The following SPAST variants were observed in gnomAD, a reference collection of about 807,000 sequenced individuals.
SPAST encodes the protein spastin.
SPAST carries 30 observed loss-of-function variants against 76.6 expected under a neutral mutation model. The observed-to-expected ratio is 0.39, with a 90% confidence interval of 0.29 to 0.53. The LOEUF (loss-of-function observed/expected upper bound fraction) is 0.53, where lower values mean the gene tolerates loss of function less well. Ranked by LOEUF, SPAST falls within the 20% of genes least tolerant of loss-of-function variation. The pLI, the probability that SPAST is intolerant of heterozygous loss-of-function variation, is 0.68. For synonymous variants in SPAST, 305 were observed against 281.0 expected (o/e 1.09, Z -0.86); for missense variants, 717 against 770.5 (o/e 0.93, Z 0.82).
intron 1 of SPAST, among the ~76,000 whole-genome samples, chr2:32,067,981 C>CTT (rs755475755): frequency 2.1e-4 from 30 of 140,462 alleles, no homozygotes; most frequent in African/African-American, 6.5e-4. Context: ...TTTCTCTTTT[C>CTT]TTTTTTTTTT....
At chr2:32,100,229 G>A (rs1410653367) in intron 4 of SPAST, among the ~76,000 whole-genome samples, 1 of 150,772 alleles carries the variant, frequency 6.6e-6, no homozygotes, top group Non-Finnish European at 1.5e-5. Context: ...ATACCTTGTT[G>A]TGGTTTTGAT....
chr2:32,072,760 A>G (rs1039160078), intron 1 of SPAST, among the ~76,000 whole-genome samples: 3 of 152,212 alleles, frequency 2.0e-5, no homozygotes, highest in African/African-American at 7.2e-5. Context: ...GATGGAGGGT[A>G]GAAATCAGAA....
chr2:32,096,473 C>T (rs948058233), intron 3 of SPAST, among the ~76,000 whole-genome samples: 4 of 151,866 alleles, frequency 2.6e-5, no homozygotes, highest in Admixed American at 2.6e-4. Context: ...TTCACAGATG[C>T]TGTTTACTGT....
intron 1 of SPAST, among the ~76,000 whole-genome samples, chr2:32,071,195 G>T (rs1383536564): frequency 6.6e-6 from 1 of 152,174 alleles, no homozygotes; most frequent in Non-Finnish European, 1.5e-5. Context: ...GATTTCTCAA[G>T]TACATAGGAC....
chr2:32,140,616 C>CAA (rs370227533), intron 12 of SPAST, among the ~76,000 whole-genome samples: 1 of 134,380 alleles, frequency 7.4e-6, no homozygotes. Flanking sequence ...GGCTCTGTCT[C>CAA]AAAAAAAAAA....
chr2:32,085,901 G>A (rs1023986173), intron 1 of SPAST, among the ~76,000 whole-genome samples: 10 of 152,012 alleles, frequency 6.6e-5, no homozygotes, highest in Non-Finnish European at 1.5e-4. Flanking sequence ...AATTAGCTGG[G>A]TGTGGTGGCA....
chr2:32,131,789 A>C (rs1679378064), intron 9 of SPAST, among the ~76,000 whole-genome samples: 1 of 144,942 alleles, frequency 6.9e-6, no homozygotes, highest in Non-Finnish European at 1.5e-5. Context: ...TAGCCTGCTG[A>C]GTAGCTGGGA....
At chr2:32,087,984 G>C (rs1448899451) in intron 2 of SPAST, among the ~76,000 whole-genome samples, 1 of 151,674 alleles carries the variant, frequency 6.6e-6, no homozygotes, top group East Asian at 1.9e-4. Flanking sequence ...CCCGGATTCA[G>C]GCTATTTATT....
At chr2:32,112,407 G>A (rs1428864146) in intron 4 of SPAST, among the ~76,000 whole-genome samples, 2 of 149,228 alleles carry the variant, frequency 1.3e-5, no homozygotes, top group African/African-American at 5.0e-5. Flanking sequence ...GAGTGCAATG[G>A]AGTGATCTTG....
At chr2:32,071,623 T>A (rs1302966651) in intron 1 of SPAST, among the ~76,000 whole-genome samples, 1 of 152,136 alleles carries the variant, frequency 6.6e-6, no homozygotes, top group Non-Finnish European at 1.5e-5. Context: ...ACATGTAAGA[T>A]GTACATTGGT....
rs200640366 is a variant in SPAST at position 32,127,039 on chromosome 2, A to C, written c.1173+17A>C. 6.1e-4 allele frequency: 952 copies of C among 1,565,492 alleles called. 3 individuals carry two copies. The highest frequency in any genetic ancestry group is 6.6e-4 in the Non-Finnish European group (751 of 1,135,676). Reference sequence around the variant, plus strand: ...ACAATGCTGGTAAGGGTTCTCTTCAAATTTGAGTTTTCTGTTGAGATATTT... The same window carrying C: ...ACAATGCTGGTAAGGGTTCTCTTCACATTTGAGTTTTCTGTTGAGATATTT... On this transcript the variant is annotated intron_variant, in intron 8 of 16. Coordinates refer to ENST00000315285, the MANE Select transcript of SPAST (RefSeq NM_014946.4).
At chr2:32,124,353 TA>T (rs1679123254) in intron 7 of SPAST, among the ~76,000 whole-genome samples, 1 of 152,270 alleles carries the variant, frequency 6.6e-6, no homozygotes, top group East Asian at 1.9e-4. Flanking sequence ...GGCTGAAATC[TA>T]AAACACTGAC....
chr2:32,120,158 A>G (rs1678970469), intron 7 of SPAST, among the ~76,000 whole-genome samples: 1 of 151,992 alleles, frequency 6.6e-6, no homozygotes, highest in Non-Finnish European at 1.5e-5. Context: ...ATATGATGTT[A>G]TCTTTCATAT....
At chr2:32,154,272 T>C in intron 16 of SPAST, 102 bp from the exon 17 acceptor site, 1 of 1,009,284 alleles carries the variant, frequency 9.9e-7, no homozygotes, top group South Asian at 1.4e-5. Context: ...ATATTTTTTA[T>C]AACATTAAGA....
chr2:32,086,640 C>T (rs1677487527), intron 1 of SPAST, among the ~76,000 whole-genome samples: 1 of 151,634 alleles, frequency 6.6e-6, no homozygotes, highest in Non-Finnish European at 1.5e-5. Context: ...CACCTGTAAC[C>T]CCAGCTACTC....
intron 1 of SPAST, among the ~76,000 whole-genome samples, chr2:32,070,485 CTATT>C (rs1191244370): frequency 6.6e-6 from 1 of 152,122 alleles, no homozygotes; most frequent in Non-Finnish European, 1.5e-5. Context: ...TATGTGAAGT[CTATT>C]TATTAAAGCA....
intron 9 of SPAST, among the ~76,000 whole-genome samples, chr2:32,133,666 A>C (rs539587498): frequency 2.2e-4 from 34 of 152,214 alleles, no homozygotes; most frequent in African/African-American, 7.9e-4. Flanking sequence ...AAAAAAAAAA[A>C]AACGAACATT....
intron 9 of SPAST, 163 bp downstream of exon 9, chr2:32,128,642 T>G (rs920770004): frequency 1.6e-6 from 1 of 635,034 alleles, no homozygotes; most frequent in Admixed American, 2.5e-5. Context: ...TAGAAAGTTA[T>G]GTACATTTGT....
intron 16 of SPAST, among the ~76,000 whole-genome samples, chr2:32,152,362 A>G (rs1025803683): frequency 2.0e-5 from 3 of 152,030 alleles, no homozygotes; most frequent in African/African-American, 7.2e-5. Flanking sequence ...GAGCTCAGGA[A>G]TTCGAGACCA....
Sources: gnomAD v4.1 joint callset for allele counts (sites outside exome capture counted in the v4.1 genomes callset) on GRCh38, gnomAD v4.1.1 for gene constraint, MANE v1.5 for transcripts, NCBI Gene and HGNC (gene_info 2026-07-23, HGNC 2026-07-21) for gene names.